CCT7: variants seen among roughly 807,000 people sequenced by gnomAD.
CCT7 encodes the protein T-complex protein 1 subunit eta.
In CCT7, 16 loss-of-function variants were observed where a neutral mutation model predicts 56.6. That is an observed-to-expected ratio of 0.28 (90% CI 0.19 to 0.43). The LOEUF is 0.43. CCT7 is among the 20% of genes least tolerant of loss of function. The probability of loss-of-function intolerance (pLI) is 1.00; values close to 1 mark genes in which losing one functional copy is unlikely to be tolerated. For synonymous variants in CCT7, 262 were observed against 254.8 expected (o/e 1.03, Z -0.27); for missense variants, 519 against 685.6 (o/e 0.76, Z 2.71).
At chr2:73,245,347 G>A (rs72905370) in intron 6 of CCT7, among the ~76,000 whole-genome samples, 11,123 of 152,208 alleles carry the variant, frequency 0.073, 903 homozygotes, top group African/African-American at 0.21. Flanking sequence ...CCACATTAGC[G>A]TGTGTAGCTC....
intron 3 of CCT7, 36 bp from the exon 4 acceptor site, chr2:73,242,968 A>G (rs755383530): frequency 1.9e-6 from 3 of 1,612,588 alleles, no homozygotes; most frequent in East Asian, 2.2e-5. Flanking sequence ...TTCCCTGAAC[A>G]TCAGAAAACG....
At position 73,243,096 on chromosome 2, in the gene CCT7, C is replaced by G. The variant is rs1255694028; in HGVS notation, c.360C>G (p.Ile120Met). 2 of 1,614,022 alleles carry G rather than the reference C, an allele frequency of 1.2e-6. No homozygotes were observed. The highest frequency in any genetic ancestry group is 1.7e-6 in the Non-Finnish European group (2 of 1,179,888). Reference protein sequence around the residue: ...PYVEEGLHPQIIIRAFRTATQ... With the variant: ...PYVEEGLHPQMIIRAFRTATQ... ...TGGAGGAAGGTTTACACCCCCAGAT[C>G]ATCATTCGAGCTTTCCGCACAGCCA... Residue 120 changes from isoleucine to methionine, a missense_variant, in exon 4 of 12, where the codon ATC becomes ATG. Physicochemically the swap from Ile to Met is conservative, Grantham distance 10. Transcript: ENST00000258091.
chr2:73,236,666 A>T (rs943148177), intron 1 of CCT7, among the ~76,000 whole-genome samples: 1 of 152,200 alleles, frequency 6.6e-6, no homozygotes, highest in Non-Finnish European at 1.5e-5. Context: ...GAGGAATAAA[A>T]AAAAGGAGCG....
rs781406155 is a variant in CCT7, at chr2:73,244,316, C to A, written c.447-228C>A. The A allele has an allele frequency of 3.0e-5, 18 of 600,676 alleles. 1 individual carries two copies. The South Asian group carries it at 3.7e-4, about 12-fold the overall frequency. 37.2% of individuals were successfully genotyped at this position (600,676 alleles called of 1,614,324 possible). ...CCAGACCCTTGGCTGTGTCCCAGCC[C>A]ACAGAGCACAAAAGAAGCTGTCGAC... On this transcript the variant is annotated intron_variant, in intron 5 of 11. Coordinates refer to ENST00000258091, the MANE Select transcript of CCT7 (RefSeq NM_006429.4).
chr2:73,236,590 T>TG (rs778023523), intron 1 of CCT7, among the ~76,000 whole-genome samples: 13 of 152,166 alleles, frequency 8.5e-5, no homozygotes, highest in South Asian at 4.1e-4. Context: ...TCACCCACCT[T>TG]GGACTCCCAA....
intron 1 of CCT7, among the ~76,000 whole-genome samples, chr2:73,236,529 C>T (rs1190845770): frequency 2.6e-5 from 4 of 152,216 alleles, no homozygotes; most frequent in Non-Finnish European, 4.4e-5. Flanking sequence ...TTAGTAGAGA[C>T]GGGGTTTCAC....
intron 6 of CCT7, among the ~76,000 whole-genome samples, chr2:73,246,565 G>T (rs1188608382): frequency 6.6e-6 from 1 of 151,998 alleles, no homozygotes; most frequent in Non-Finnish European, 1.5e-5. Context: ...ATTCTTCTGC[G>T]TAAAGCCTTC....
chr2:73,236,871 T>G (rs571440990), intron 1 of CCT7, among the ~76,000 whole-genome samples: 126 of 152,270 alleles, frequency 8.3e-4, no homozygotes, highest in Non-Finnish European at 1.7e-3. Context: ...ACCTGGGGAA[T>G]CTGTGGTTAG....
intron 5 of CCT7, 84 bp from the exon 6 acceptor site, chr2:73,244,460 G>T (rs1475192471): frequency 8.2e-7 from 1 of 1,218,930 alleles, no homozygotes; most frequent in African/African-American, 1.5e-5. Context: ...AGACTGGAAG[G>T]GAACTACCTC....
At chr2:73,249,424 A>G (rs1325533249) in intron 8 of CCT7, among the ~76,000 whole-genome samples, 3 of 152,210 alleles carry the variant, frequency 2.0e-5, no homozygotes, top group Non-Finnish European at 4.4e-5. Flanking sequence ...CAGTAATGCT[A>G]TGATTAGCTG....
chr2:73,248,904 T>C, intron 7 of CCT7, 87 bp from the exon 8 acceptor site: 3 of 1,022,336 alleles, frequency 2.9e-6, no homozygotes, highest in East Asian at 4.9e-5. Context: ...ATGTTTTATT[T>C]GGTGGGGGCA....
intron 5 of CCT7, 100 bp downstream of exon 5, chr2:73,244,149 C>T: frequency 8.7e-7 from 1 of 1,149,242 alleles, no homozygotes; most frequent in South Asian, 1.4e-5. Context: ...GATCTCCCAC[C>T]TGCGACTCCC....
At chr2:73,235,486 C>G (rs1686839223) in intron 1 of CCT7, 4 of 948,372 alleles carry the variant, frequency 4.2e-6, no homozygotes. Context: ...ATGAATCCCG[C>G]TTGTACCCAA....
intron 6 of CCT7, among the ~76,000 whole-genome samples, chr2:73,247,470 G>C (rs563934014): frequency 3.9e-5 from 6 of 152,154 alleles, no homozygotes; most frequent in African/African-American, 1.4e-4. Context: ...GTGCTGCAGA[G>C]GCCAGTCTTA....
intron 6 of CCT7, 33 bp from the exon 7 acceptor site, chr2:73,247,729 C>T (rs1687404602): frequency 1.2e-6 from 2 of 1,603,686 alleles, no homozygotes; most frequent in Non-Finnish European, 1.7e-6. Context: ...ATGTTAGTAC[C>T]AAACCATTAA....
intron 1 of CCT7, chr2:73,235,450 C>CT (rs1686837010): frequency 1.8e-6 from 1 of 566,592 alleles, no homozygotes; most frequent in Admixed American, 6.4e-5. Context: ...ACGCAGACAC[C>CT]TTTTAGGTGT....
chr2:73,250,393 G>A lies in CCT7; in HGVS notation c.1158G>A (p.Glu386=), dbSNP rs192560402. Reference sequence around the variant, plus strand: ...CCGAGCAGTTTATGGAGGAGACAGAGCGGTCCCTGCATGATGCCATCATGA... The same window carrying A: ...CCGAGCAGTTTATGGAGGAGACAGAACGGTCCCTGCATGATGCCATCATGA... ...GGAEQFMEET[E]RSLHDAIMIV... The change falls in exon 10 of 12, where the codon GAG becomes GAA. Residue 386 remains glutamate, a synonymous_variant. Coordinates refer to ENST00000258091, the MANE Select transcript of CCT7 (RefSeq NM_006429.4). 8.1e-5 allele frequency: 131 copies of A among 1,614,182 alleles called. No homozygotes were observed. In the African/African-American group the frequency reaches 1.6e-3, roughly 20 times the overall value.
At chr2:73,249,668 A>G (rs560322326) in intron 8 of CCT7, 151 bp from the exon 9 acceptor site, 324 of 642,340 alleles carry the variant, frequency 5.0e-4, no homozygotes, top group African/African-American at 4.7e-3. Flanking sequence ...TCTTTCAGAG[A>G]GGGGGAAGGG....
rs1207612457 is a variant in CCT7, at chr2:73,251,341, A to T, written c.1319A>T (p.Lys440Met). Residue 440 changes from lysine to methionine, a missense_variant, in exon 11 of 12, where the codon AAG (lysine) becomes ATG (methionine). Lys to Met is a moderately conservative substitution (Grantham distance 95). Transcript: ENST00000258091. ...CAGCTGTTGATTGGGGCATATGCCA[A>T]GGCCTTGGAGATTATCCCACGCCAG... ...KQQLLIGAYAKALEIIPRQLC... is the reference protein window; with the variant it reads ...KQQLLIGAYAMALEIIPRQLC... 1.2e-6 allele frequency: 2 copies of T among 1,614,154 alleles called. No homozygotes were observed. The highest frequency in any genetic ancestry group is 1.7e-6 in the Non-Finnish European group (2 of 1,179,994).
Sources: gnomAD v4.1 joint callset for allele counts (sites outside exome capture counted in the v4.1 genomes callset) on GRCh38, gnomAD v4.1.1 for gene constraint, MANE v1.5 for transcripts, NCBI Gene and HGNC (gene_info 2026-07-23, HGNC 2026-07-21) for gene names.